The following ULK2 variants were observed in gnomAD, a reference collection of about 807,000 sequenced individuals.
ULK2 encodes unc-51 like autophagy activating kinase 2.
Under a neutral mutation model 127.5 loss-of-function variants are expected in ULK2, and 76 were observed. The ratio of observed to expected loss-of-function variants is 0.60; its 90% CI spans 0.50 to 0.72. The LOEUF (loss-of-function observed/expected upper bound fraction) is 0.72. ULK2 is among the 30% of genes least tolerant of loss of function. ULK2 has a pLI of 0.00. For missense variants in ULK2, 1,144 were observed against 1,295.9 expected, an observed-to-expected ratio of 0.88 and a Z score of 1.80; for synonymous variants, 452 against 461.9, an observed-to-expected ratio of 0.98 and a Z score of 0.28.
chr17:19,855,375 G>T (rs1263724712), intron 3 of ULK2, among the ~76,000 whole-genome samples: 1 of 151,236 alleles, frequency 6.6e-6, no homozygotes. Context: ...CTGCACTCCA[G>T]CCTGGGTGAC....
chr17:19,780,484 A>G lies in ULK2; in HGVS notation c.2904T>C (p.Cys968=), dbSNP rs1243772632. Residue 968 remains cysteine (C), a synonymous_variant, in exon 25 of 27, where the codon TGT becomes TGC. Coordinates refer to ENST00000395544, the MANE Select transcript of ULK2 (RefSeq NM_014683.4). ...SVTAEKLIYN[C]AVEMVQSAAL... ...TAGAAAGGGTTACCATTTCTACAGC[A>G]CAATTATAGATGAGTTTCTCTGCAG... The G allele has an allele frequency of 6.2e-7, 1 of 1,611,536 alleles. No individual in the cohort carries two copies. The highest frequency in any genetic ancestry group is 2.2e-5 in the East Asian group (1 of 44,802).
At chr17:19,842,808 G>A (rs924379748) in intron 8 of ULK2, among the ~76,000 whole-genome samples, 6 of 151,968 alleles carry the variant, frequency 3.9e-5, no homozygotes, top group Middle Eastern at 3.2e-3. Flanking sequence ...TGTGGATTCC[G>A]GGATCCCAAA....
At chr17:19,829,024 T>G (rs1275956641) in intron 10 of ULK2, among the ~76,000 whole-genome samples, 1 of 152,066 alleles carries the variant, frequency 6.6e-6, no homozygotes, top group Non-Finnish European at 1.5e-5. Flanking sequence ...GCTGAGATTG[T>G]GCCACTGCAC....
rs1287952926 is a variant in ULK2, at chr17:19,816,906, C to T, written c.939G>A (p.Met313Ile). The T allele has an allele frequency of 1.9e-6, 3 of 1,605,132 alleles. No individual in the cohort carries two copies. The highest frequency in any genetic ancestry group is 3.5e-5 in the Admixed American group (2 of 57,284). The change falls in exon 13 of 27, where the codon ATG (methionine) becomes ATA (isoleucine). Residue 313 changes from methionine to isoleucine, a missense_variant. Met to Ile is a conservative substitution (Grantham distance 10). Around this residue, in one of 2 missense-constraint regions of ULK2, gnomAD observed 913 missense variants for 970.5 expected, o/e 0.94. Coordinates refer to ENST00000395544, the MANE Select transcript of ULK2 (RefSeq NM_014683.4). ...ATAAGTTTTCTTCCTGAATATGCTG[C>T]ATATCTGGAAGGGACTAAAATTAAC... ...RFASPPSLPD[M>I]QHIQEENLSS...
Position 19,783,737 on chromosome 17 carries a change from G to T in ULK2, c.2420C>A (p.Thr807Asn). Residue 807 changes from threonine (T) to asparagine (N), a missense_variant, in exon 22 of 27, where the codon ACC becomes AAC. Transcript: ENST00000395544. ...CTCCGGCAGTTCAGGGGCTTCAAAG[G>T]TGATGAGCCCCTCTAGGCTGGGGGG... The part of the protein sequence containing the change: ...ASPPSLEGLI[T>N]FEAPELPEET... 6.3e-7 allele frequency: 1 copy of T among 1,592,064 alleles called. No homozygotes were observed. Among genetic ancestry groups the T allele is most frequent in the Non-Finnish European group, 8.6e-7 (1 of 1,168,422 alleles).
rs752418880 is a variant in ULK2 at position 19,801,809 on chromosome 17, C to G, written c.1409G>C (p.Gly470Ala). 11 of 1,613,978 alleles carry G rather than the reference C, an allele frequency of 6.8e-6. No individual in the cohort carries two copies. The Admixed American group carries it at 1.0e-4, about 15-fold the overall frequency. Residue 470 changes from glycine (G) to alanine (A), a missense_variant, in exon 16 of 27, where the codon GGG becomes GCG. By Grantham distance (60) the Gly-to-Ala change is moderately conservative. Coordinates refer to ENST00000395544, the MANE Select transcript of ULK2 (RefSeq NM_014683.4). Reference sequence around the variant, plus strand: ...GGAAGGTGAGTAAGGCCTAGAAGACCCAGTGGAGAGCCTTCGTCCAACTGT... The same window carrying G: ...GGAAGGTGAGTAAGGCCTAGAAGACGCAGTGGAGAGCCTTCGTCCAACTGT... ...AQTVGRRLST[G>A]SSRPYSPSPL...
chr17:19,858,516 T>G (rs1285622042), intron 3 of ULK2, among the ~76,000 whole-genome samples: 1 of 152,200 alleles, frequency 6.6e-6, no homozygotes, highest in Non-Finnish European at 1.5e-5. Flanking sequence ...TATACGCCTG[T>G]ACATCTCATT....
At chr17:19,820,767 A>C (rs2041121765) in intron 12 of ULK2, among the ~76,000 whole-genome samples, 1 of 152,106 alleles carries the variant, frequency 6.6e-6, no homozygotes, top group Non-Finnish European at 1.5e-5. Flanking sequence ...TTTCTTCAAA[A>C]CTCAGCTCAA....
At chr17:19,835,375 C>T (rs1409788091) in intron 10 of ULK2, among the ~76,000 whole-genome samples, 3 of 151,118 alleles carry the variant, frequency 2.0e-5, no homozygotes, top group Admixed American at 1.3e-4. Flanking sequence ...GCCACCACAC[C>T]CGGCCTCAAC....
In ULK2 at chr17:19,867,284, G is replaced by A. The variant is rs755507473; in HGVS notation, c.90+44C>T. On this transcript the variant is annotated intron_variant, in intron 1 of 26. Coordinates refer to ENST00000395544, the MANE Select transcript of ULK2 (RefSeq NM_014683.4). ...CCAAGTTTCAGAACCACCTAGCCCC[G>A]TGCCTGCCGCCCGGGGCCCGGCCTC... 68 of 1,480,772 alleles carry A rather than the reference G, an allele frequency of 4.6e-5. No homozygotes were observed. The Admixed American group carries it at 7.0e-4, about 15-fold the overall frequency. 91.7% of individuals were successfully genotyped at this position (1,480,772 alleles called of 1,614,324 possible).
intron 13 of ULK2, among the ~76,000 whole-genome samples, chr17:19,814,646 A>G (rs2152389801): frequency 6.6e-6 from 1 of 151,786 alleles, no homozygotes; most frequent in South Asian, 2.1e-4. Context: ...TTGGGGGTTC[A>G]TGCGATCCTC....
intron 3 of ULK2, among the ~76,000 whole-genome samples, chr17:19,853,677 T>C (rs1306312690): frequency 6.6e-6 from 1 of 151,750 alleles, no homozygotes; most frequent in Non-Finnish European, 1.5e-5. Context: ...GTTCACGCCA[T>C]TCTCCTGCCT....
intron 14 of ULK2, among the ~76,000 whole-genome samples, chr17:19,807,716 T>C (rs1267570560): frequency 2.0e-5 from 3 of 152,136 alleles, no homozygotes; most frequent in Non-Finnish European, 4.4e-5. Context: ...ATTCCCATAA[T>C]TGAATTCCCA....
chr17:19,826,354 TATAAA>T (rs571969713), intron 10 of ULK2, among the ~76,000 whole-genome samples, 168 bp from the exon 11 acceptor site: 359 of 152,202 alleles, frequency 2.4e-3, no homozygotes, highest in African/African-American at 8.3e-3. Flanking sequence ...ATAAATCCTC[TATAAA>T]ATAATTATTT....
At chr17:19,795,948 G>T (rs1597725428) in intron 19 of ULK2, 147 bp downstream of exon 19, 2 of 1,197,084 alleles carry the variant, frequency 1.7e-6, no homozygotes, top group Non-Finnish European at 1.2e-6. Context: ...GGTTTTCAGA[G>T]ATTCTAAATG....
chr17:19,811,788 G>A (rs2087647170), intron 13 of ULK2, among the ~76,000 whole-genome samples: 2 of 151,866 alleles, frequency 1.3e-5, no homozygotes, highest in Non-Finnish European at 2.9e-5. Flanking sequence ...ATACCCAATG[G>A]GATTATCCTA....
Position 19,849,788 on chromosome 17 carries a change from AT to A in ULK2, c.226-15del, listed in dbSNP as rs775999951. The A allele has an allele frequency of 2.0e-6, 3 of 1,493,144 alleles. No homozygotes were observed. The highest frequency in any genetic ancestry group is 2.7e-6 in the Non-Finnish European group (3 of 1,098,174). The allele number at this position is 1,493,144 out of a possible 1,614,324, so 92.5% of individuals were successfully genotyped here. On this transcript the variant is annotated splice_polypyrimidine_tract_variant and intron_variant, in intron 3 of 26. Transcript: ENST00000395544. ...GTTGGGTAATTCCTGAAAAGTAAAC[AT>A]ATTAAATATCATTTAGAGAAAAATT... is the stretch of plus-strand genomic sequence containing the variant.
Position 19,862,107 on chromosome 17 carries a change from T to TC in ULK2, c.225+2695dup, listed in dbSNP as rs550604976. On this transcript the variant is annotated intron_variant, in intron 3 of 26. Coordinates refer to ENST00000395544, the MANE Select transcript of ULK2 (RefSeq NM_014683.4). Reference sequence around the variant, plus strand: ...TTAAACATCCTTTTTCTTTTTTTTTTCCCCCCCGAGATGGAGTCTGGCTCT... The same window carrying TC: ...TTAAACATCCTTTTTCTTTTTTTTTTCCCCCCCCGAGATGGAGTCTGGCTCT... 1.7e-4 allele frequency among the ~76,000 whole-genome samples: 26 copies of TC among 150,840 alleles called. 1 individual carries two copies. The highest frequency in any genetic ancestry group is 4.4e-4 in the African/African-American group (18 of 40,738).
chr17:19,775,547 A>C lies in ULK2; in HGVS notation c.*802T>G, dbSNP rs1048090132. 2.1e-5 allele frequency: 3 copies of C among 146,172 alleles called. No individual in the cohort carries two copies. The highest frequency in any genetic ancestry group is 4.5e-5 in the Non-Finnish European group (3 of 66,904). 9.1% of individuals were successfully genotyped at this position (146,172 alleles called of 1,614,324 possible). ...AAGCTAACAAAAACATTACTGAGAA[A>C]ATCTGTAGGTGTAGATAAAGAAGTA... On this transcript the variant is annotated 3_prime_UTR_variant, in exon 27 of 27. Transcript: ENST00000395544.
Sources: gnomAD v4.1 joint callset for allele counts (sites outside exome capture counted in the v4.1 genomes callset) on GRCh38, gnomAD v4.1.1 for gene constraint, gnomAD v4.1.1 regional missense constraint, MANE v1.5 for transcripts, NCBI Gene and HGNC (gene_info 2026-07-23, HGNC 2026-07-21) for gene names.